Variants in ACTL8 observed in about 807,000 individuals in gnomAD.
The protein encoded by ACTL8 is actin-like protein 8.
Under a neutral mutation model 9.3 loss-of-function variants are expected in ACTL8, and 3 were observed. The observed-to-expected ratio is 0.32, with a 90% CI of 0.15 to 0.83. The LOEUF (loss-of-function observed/expected upper bound fraction) is 0.83. Among genes scored for constraint, ACTL8 ranks in the 40% least tolerant of loss-of-function variants. The pLI is 0.57. For synonymous variants in ACTL8, 224 were observed against 205.9 expected (o/e 1.09, Z -0.75); for missense variants, 381 against 492.2 (o/e 0.77, Z 2.14).
At chr1:17,803,440 C>T (rs956386110) in intron 1 of ACTL8, among the ~76,000 whole-genome samples, 1 of 152,214 alleles carries the variant, frequency 6.6e-6, no homozygotes, top group African/African-American at 2.4e-5. Flanking sequence ...AAGTGATTCT[C>T]CTGCCTCAGT....
In ACTL8 at chr1:17,776,878, C is replaced by T. The variant is rs148421866; in HGVS notation, c.-25+21374C>T. ...GCAGTGGTAAGATCATGGCTTACTG[C>T]AGCCTCGACCTCCTGGGCTCAAGCA... On this transcript the variant is annotated intron_variant, in intron 1 of 2. Coordinates refer to ENST00000375406, the MANE Select transcript of ACTL8 (RefSeq NM_030812.3). Among the ~76,000 whole-genome samples the T allele has an allele frequency of 5.2e-3, 795 of 151,482 alleles. 13 individuals carry two copies. In the East Asian group the frequency reaches 0.058, roughly 11 times the overall value.
At chr1:17,766,314 G>C (rs950886804) in intron 1 of ACTL8, among the ~76,000 whole-genome samples, 4 of 152,172 alleles carry the variant, frequency 2.6e-5, no homozygotes. Flanking sequence ...GTGAGGCTGG[G>C]ACTGGTACTT....
chr1:17,758,793 C>T (rs773155950), intron 1 of ACTL8, among the ~76,000 whole-genome samples: 1 of 152,120 alleles, frequency 6.6e-6, no homozygotes, highest in Non-Finnish European at 1.5e-5. Context: ...CATGCCCACC[C>T]CGAAGTTATT....
In ACTL8 at chr1:17,825,772, G is replaced by A; in HGVS notation, c.354G>A (p.Leu118=). The change falls in exon 3 of 3, where the codon CTG becomes CTA. Residue 118 remains leucine (L), a synonymous_variant. Coordinates refer to ENST00000375406, the MANE Select transcript of ACTL8 (RefSeq NM_030812.3). ...TGAATTCTCCCTCGTTGCAGATCCT[G>A]TTTGAGTTGCTGCATGTCCCATCGG... ...PADRKKMLEI[L]FELLHVPSVL... is the part of the protein sequence containing the mutation. The A allele has an allele frequency of 1.2e-6, 2 of 1,611,568 alleles. No homozygotes were observed. Among genetic ancestry groups the A allele is most frequent in the Non-Finnish European group, 1.7e-6 (2 of 1,178,696 alleles).
intron 1 of ACTL8, among the ~76,000 whole-genome samples, chr1:17,801,196 T>A (rs1372188233): frequency 6.6e-6 from 1 of 152,234 alleles, no homozygotes; most frequent in Non-Finnish European, 1.5e-5. Flanking sequence ...TCTATAGAGC[T>A]AGATACTGTT....
intron 1 of ACTL8, among the ~76,000 whole-genome samples, chr1:17,818,848 A>G (rs1217070152): frequency 1.3e-5 from 2 of 152,254 alleles, no homozygotes; most frequent in Non-Finnish European, 2.9e-5. Context: ...TCTTAGTAGA[A>G]TGTAAACTCC....
At chr1:17,789,012 CAGAATT>C (rs1331912780) in intron 1 of ACTL8, among the ~76,000 whole-genome samples, 1 of 152,198 alleles carries the variant, frequency 6.6e-6, no homozygotes, top group Non-Finnish European at 1.5e-5. Context: ...GTGCAGGAGA[CAGAATT>C]AGAACTGCAT....
intron 1 of ACTL8, among the ~76,000 whole-genome samples, chr1:17,758,763 C>T (rs909106796): frequency 1.3e-5 from 2 of 152,174 alleles, no homozygotes; most frequent in African/African-American, 4.8e-5. Context: ...TAGTCTGACT[C>T]TCAGTAGATT....
At chr1:17,778,224 G>A (rs1019073095) in intron 1 of ACTL8, among the ~76,000 whole-genome samples, 9 of 152,198 alleles carry the variant, frequency 5.9e-5, no homozygotes, top group African/African-American at 2.2e-4. Flanking sequence ...AACAGAAAGG[G>A]TTTATCCAGG....
chr1:17,795,724 A>G (rs2066272221), intron 1 of ACTL8, among the ~76,000 whole-genome samples: 1 of 152,204 alleles, frequency 6.6e-6, no homozygotes, highest in Admixed American at 6.5e-5. Flanking sequence ...AGATAGGTGC[A>G]GAAATGGGGT....
chr1:17,799,573 C>G (rs1209603556), intron 1 of ACTL8, among the ~76,000 whole-genome samples: 1 of 151,928 alleles, frequency 6.6e-6, no homozygotes, highest in African/African-American at 2.4e-5. Flanking sequence ...TTTCACTGAG[C>G]AGAAATCTAT....
intron 1 of ACTL8, among the ~76,000 whole-genome samples, chr1:17,794,109 G>A (rs2066260513): frequency 6.6e-6 from 1 of 152,154 alleles, no homozygotes; most frequent in African/African-American, 2.4e-5. Flanking sequence ...CTGTTTATGG[G>A]ATTATTCCTA....
chr1:17,792,263 G>A (rs1018276321), intron 1 of ACTL8, among the ~76,000 whole-genome samples: 5 of 152,170 alleles, frequency 3.3e-5, no homozygotes, highest in Non-Finnish European at 7.3e-5. Context: ...CCTTCCTAAC[G>A]GATGTGTTTT....
chr1:17,801,667 T>C (rs1471309746), intron 1 of ACTL8, among the ~76,000 whole-genome samples: 2 of 152,130 alleles, frequency 1.3e-5, no homozygotes, highest in African/African-American at 4.8e-5. Context: ...CATACAAAAT[T>C]AAACTTTTAC....
At chr1:17,795,684 G>T (rs1012153502) in intron 1 of ACTL8, among the ~76,000 whole-genome samples, 2 of 152,150 alleles carry the variant, frequency 1.3e-5, no homozygotes, top group African/African-American at 4.8e-5. Context: ...AAACAGAAGG[G>T]TGGGGGTCCC....
intron 1 of ACTL8, among the ~76,000 whole-genome samples, chr1:17,770,186 TTCC>T (rs1157710013): frequency 1.3e-5 from 2 of 152,224 alleles, no homozygotes; most frequent in Non-Finnish European, 2.9e-5. Context: ...TCCAGATTAC[TTCC>T]TCCTCCTGAC....
intron 1 of ACTL8, among the ~76,000 whole-genome samples, chr1:17,765,477 G>A (rs1158692962): frequency 6.6e-6 from 1 of 152,102 alleles, no homozygotes; most frequent in Non-Finnish European, 1.5e-5. Context: ...GAGTTGGTGT[G>A]ATAACATACC....
Position 17,826,007 on chromosome 1 carries a change from T to C in ACTL8, c.589T>C (p.Cys197Arg). 1 of 1,607,704 alleles carries C rather than the reference T, an allele frequency of 6.2e-7. No homozygotes were observed. Among genetic ancestry groups the C allele is most frequent in the Non-Finnish European group, 8.5e-7 (1 of 1,179,990 alleles). ...CTTTAAGGAAGATTGCGATAGACGC[T>C]GCCTGTTTCAGCTGGAGACAGTCGC... Reference protein sequence around the residue: ...SLFKEDCDRRCLFQLETVAVT... With the variant: ...SLFKEDCDRRRLFQLETVAVT... Residue 197 changes from cysteine to arginine, a missense_variant, in exon 3 of 3, where the codon TGC (cysteine) becomes CGC (arginine). Around this residue, in one of 3 missense-constraint regions of ACTL8, gnomAD observed 243 missense variants for 276.2 expected, o/e 0.88. Coordinates refer to ENST00000375406, the MANE Select transcript of ACTL8 (RefSeq NM_030812.3). This position sits in a 1 kb window ranked among gnomAD's most constrained non-coding sequence, Gnocchi z 4.5.
At chr1:17,815,693 A>G (rs1409467762) in intron 1 of ACTL8, among the ~76,000 whole-genome samples, 1 of 152,156 alleles carries the variant, frequency 6.6e-6, no homozygotes, top group African/African-American at 2.4e-5. Context: ...CTGGCTTTGT[A>G]GATTTGTCTT....
Sources: gnomAD v4.1 joint callset for allele counts (sites outside exome capture counted in the v4.1 genomes callset) on GRCh38, gnomAD v4.1.1 for gene constraint, gnomAD v4.1.1 regional missense constraint, Gnocchi (gnomAD v3.1) non-coding constraint, MANE v1.5 for transcripts, NCBI Gene and HGNC (gene_info 2026-07-23, HGNC 2026-07-21) for gene names.